Variants in TARBP1 observed in about 807,000 individuals in gnomAD.
TARBP1 encodes the protein tRNA (guanosine(18)-2'-O)-methyltransferase TARBP1.
A neutral mutation model predicts 178.6 loss-of-function variants in TARBP1; 144 were observed. The observed-to-expected ratio is 0.81, with a 90% confidence interval of 0.70 to 0.93. The LOEUF (loss-of-function observed/expected upper bound fraction) is 0.93. TARBP1 is among the 40% of genes least tolerant of loss of function. The probability of loss-of-function intolerance (pLI) is 0.00; values close to 1 mark genes in which losing one functional copy is unlikely to be tolerated. For synonymous variants in TARBP1, 787 were observed against 781.0 expected, an observed-to-expected ratio of 1.01 and a Z score of -0.13; for missense variants, 2,067 against 2,011.7, an observed-to-expected ratio of 1.03 and a Z score of -0.53.
chr1:234,436,263 A>T (rs904289258), intron 13 of TARBP1, among the ~76,000 whole-genome samples: 1 of 152,216 alleles, frequency 6.6e-6, no homozygotes, highest in Non-Finnish European at 1.5e-5. Flanking sequence ...ACAAACAGGT[A>T]AAAATAATAC....
intron 13 of TARBP1, among the ~76,000 whole-genome samples, chr1:234,435,882 T>C (rs1034140500): frequency 2.0e-5 from 3 of 152,154 alleles, no homozygotes; most frequent in Non-Finnish European, 4.4e-5. Flanking sequence ...CCGTGGAAAT[T>C]GGTAAATACT....
At chr1:234,443,001 T>C (rs1197453018) in intron 12 of TARBP1, among the ~76,000 whole-genome samples, 1 of 152,146 alleles carries the variant, frequency 6.6e-6, no homozygotes, top group Admixed American at 6.5e-5. Flanking sequence ...ATAAAAATTA[T>C]GGTTTGGGGC....
intron 11 of TARBP1, among the ~76,000 whole-genome samples, chr1:234,447,946 T>G (rs1018168426): frequency 4.6e-5 from 7 of 152,200 alleles, no homozygotes; most frequent in Non-Finnish European, 1.0e-4. Context: ...TAATTTAACA[T>G]TAAATGTTTT....
intron 26 of TARBP1, among the ~76,000 whole-genome samples, chr1:234,396,887 A>G (rs1659989827): frequency 6.6e-6 from 1 of 151,836 alleles, no homozygotes; most frequent in Admixed American, 6.6e-5. Flanking sequence ...CATGTGGGGG[A>G]CTCAGAATGA....
In TARBP1 at chr1:234,451,766, A is replaced by AAAAAAAACAAAAAAAC. The variant is rs57636903; in HGVS notation, c.1723-1201_1723-1200insGTTTTTTTGTTTTTTT. Among the ~76,000 whole-genome samples, 30 of 17,136 alleles carry AAAAAAAACAAAAAAAC rather than the reference A, an allele frequency of 1.8e-3. 1 individual carries two copies. Among genetic ancestry groups the AAAAAAAACAAAAAAAC allele is most frequent in the African/African-American group, 7.1e-3 (17 of 2,408 alleles). The allele number at this position is 17,136 out of a possible 152,430, so 11.2% of individuals were successfully genotyped here. A position where few individuals can be genotyped will look rare whatever the true frequency, so the allele number is the denominator to read the frequency against. On this transcript the variant is annotated intron_variant, in intron 9 of 29. Transcript: ENST00000040877. ...TCCGTCTCAAAAAAAAAAAAAAAAA[A>AAAAAAAACAAAAAAAC]TGATGAATGACTGGATCATCGAAGT...
chr1:234,456,491 T>C (rs1257936779), intron 9 of TARBP1, among the ~76,000 whole-genome samples: 8 of 152,160 alleles, frequency 5.3e-5, no homozygotes, highest in Admixed American at 2.0e-4. Context: ...CCAGTGTTAT[T>C]TATAAAAGCA....
chr1:234,449,398 C>T lies in TARBP1; in HGVS notation c.1862-819G>A, dbSNP rs545976186. On this transcript the variant is annotated intron_variant, in intron 10 of 29. Transcript: ENST00000040877. The stretch of plus-strand genomic sequence containing the variant: ...AGCAAGAGTAGATGCAAGGTAACTC[C>T]GTAAGAGGCAATTCTAGTATTTCAG... Among the ~76,000 whole-genome samples the T allele has an allele frequency of 3.1e-4, 47 of 152,240 alleles. No individual in the cohort carries two copies. In the Middle Eastern group the frequency reaches 0.01, roughly 33 times the overall value.
chr1:234,467,820 G>A (rs1331951395), intron 3 of TARBP1, among the ~76,000 whole-genome samples, 170 bp from the exon 4 acceptor site: 1 of 152,132 alleles, frequency 6.6e-6, no homozygotes, highest in African/African-American at 2.4e-5. Flanking sequence ...CACCCAGACT[G>A]CAGTGCAATT....
chr1:234,434,560 C>T (rs1664810224), intron 13 of TARBP1, among the ~76,000 whole-genome samples: 1 of 152,134 alleles, frequency 6.6e-6, no homozygotes, highest in African/African-American at 2.4e-5. Context: ...GCGACAGTAA[C>T]CTGGAGAACC....
At position 234,478,389 on chromosome 1, in the gene TARBP1, T is replaced by C; in HGVS notation, c.715A>G (p.Lys239Glu). Reference protein sequence around the residue: ...KLLVLSALAEKLLPEPGGDRA... With the variant: ...KLLVLSALAEELLPEPGGDRA... ...TCGCCGCCGGGCTCGGGCAACAGCT[T>C]CTCGGCCAGGGCGCTCAGGACCAGC... Residue 239 changes from lysine (K) to glutamate (E), a missense_variant, in exon 1 of 30, where the codon AAG becomes GAG. Lys to Glu is a moderately conservative substitution (Grantham distance 56). Transcript: ENST00000040877. The C allele has an allele frequency of 7.4e-7, 1 of 1,342,770 alleles. No homozygotes were observed. The highest frequency in any genetic ancestry group is 1.7e-5 in the South Asian group (1 of 58,764). The allele number at this position is 1,342,770 out of a possible 1,614,324, so 83.2% of individuals were successfully genotyped here.
intron 1 of TARBP1, 72 bp downstream of exon 1, chr1:234,478,101 T>G: frequency 6.8e-7 from 1 of 1,476,196 alleles, no homozygotes; most frequent in Non-Finnish European, 9.3e-7. Context: ...AGCTAGTTTT[T>G]AGAAGCAGGA....
chr1:234,427,222 CTT>C (rs1663873062), intron 19 of TARBP1, 93 bp downstream of exon 19: 2 of 808,786 alleles, frequency 2.5e-6, no homozygotes, highest in Non-Finnish European at 4.0e-6. Context: ...TTAGATGTCA[CTT>C]ATTAAATTTA....
At chr1:234,455,383 C>A (rs561370808) in intron 9 of TARBP1, among the ~76,000 whole-genome samples, 1 of 152,216 alleles carries the variant, frequency 6.6e-6, no homozygotes, top group African/African-American at 2.4e-5. Flanking sequence ...TCTGTAAAAG[C>A]CACAAGACTG....
At chr1:234,423,742 T>C (rs1328265751) in intron 20 of TARBP1, among the ~76,000 whole-genome samples, 1 of 149,552 alleles carries the variant, frequency 6.7e-6, no homozygotes, top group East Asian at 2.0e-4. Context: ...TCTCTCTTTT[T>C]TCTGAATTTT....
At chr1:234,443,012 T>C (rs270529) in intron 12 of TARBP1, among the ~76,000 whole-genome samples, 81,884 of 152,042 alleles carry the variant, frequency 0.54, 23,117 homozygotes, top group African/African-American at 0.71. Flanking sequence ...GGTTTGGGGC[T>C]GGGCACAATG....
Position 234,445,714 on chromosome 1 carries a change from CAA to C in TARBP1, c.2134+1087_2134+1088del, listed in dbSNP as rs1377454017. 4.6e-5 allele frequency among the ~76,000 whole-genome samples: 7 copies of C among 152,202 alleles called. No individual in the cohort carries two copies. In the East Asian group the frequency reaches 5.8e-4, roughly 13 times the overall value. On this transcript the variant is annotated intron_variant, in intron 12 of 29. Transcript: ENST00000040877. ...CGTAATAAAATTCAAAATAGGAAGACAAAGAGTTAACAGGAGGGCACTAAACA... is the reference window on the plus strand; with the variant it reads ...CGTAATAAAATTCAAAATAGGAAGACAGAGTTAACAGGAGGGCACTAAACA...
intron 28 of TARBP1, 62 bp from the exon 29 acceptor site, chr1:234,392,614 T>TA: frequency 6.6e-7 from 1 of 1,515,098 alleles, no homozygotes; most frequent in African/African-American, 1.4e-5. Flanking sequence ...TGGAGTAAAT[T>TA]AGAGTTAAAA....
At position 234,433,078 on chromosome 1, in the gene TARBP1, A is replaced by C. The variant is rs370962130; in HGVS notation, c.2394+332T>G. 2.0e-5 allele frequency among the ~76,000 whole-genome samples: 3 copies of C among 152,278 alleles called. No individual in the cohort carries two copies. The East Asian group carries it at 5.8e-4, about 29-fold the overall frequency. On this transcript the variant is annotated intron_variant, in intron 14 of 29. Coordinates refer to ENST00000040877, the MANE Select transcript of TARBP1 (RefSeq NM_005646.4). ...CATGGTAAAACCCGTCTCCACTAAAAAATAGAAAAATTAGCCAGCCATGGT... is the reference window on the plus strand; with the variant it reads ...CATGGTAAAACCCGTCTCCACTAAACAATAGAAAAATTAGCCAGCCATGGT...
At chr1:234,396,784 A>AAGAT (rs748207928) in intron 26 of TARBP1, among the ~76,000 whole-genome samples, 10 of 152,056 alleles carry the variant, frequency 6.6e-5, no homozygotes, top group Non-Finnish European at 1.2e-4. Context: ...AGAAAAAAAA[A>AAGAT]ATCTAAGGGT....
Sources: gnomAD v4.1 joint callset for allele counts (sites outside exome capture counted in the v4.1 genomes callset) on GRCh38, gnomAD v4.1.1 for gene constraint, MANE v1.5 for transcripts, NCBI Gene and HGNC (gene_info 2026-07-23, HGNC 2026-07-21) for gene names.